SEC24B: variants seen among roughly 807,000 people sequenced by gnomAD.
The protein encoded by SEC24B is protein transport protein Sec24B.
SEC24B carries 45 observed loss-of-function variants against 142.8 expected under a neutral mutation model. The observed-to-expected ratio is 0.32, with a 90% CI of 0.25 to 0.40. SEC24B has a LOEUF of 0.40. Among genes scored for constraint, SEC24B ranks in the 10% least tolerant of loss-of-function variants. The pLI is 1.00. For missense variants in SEC24B, 1,409 were observed against 1,526.8 expected (o/e 0.92, Z 1.29); for synonymous variants, 574 against 568.2 (o/e 1.01, Z -0.15).
At chr4:109,493,503 C>T (rs546254466) in intron 5 of SEC24B, among the ~76,000 whole-genome samples, 3 of 152,184 alleles carry the variant, frequency 2.0e-5, no homozygotes, top group South Asian at 2.1e-4. Flanking sequence ...AAGTTTTCTG[C>T]AGTTTTTTTG....
intron 4 of SEC24B, among the ~76,000 whole-genome samples, chr4:109,488,291 C>G (rs1191020563): frequency 6.6e-6 from 1 of 152,140 alleles, no homozygotes; most frequent in East Asian, 1.9e-4. Context: ...CAACCACACG[C>G]AGCTCTAGGC....
At chr4:109,464,474 A>G (rs968090243) in intron 2 of SEC24B, among the ~76,000 whole-genome samples, 2 of 152,104 alleles carry the variant, frequency 1.3e-5, no homozygotes, top group Non-Finnish European at 2.9e-5. Context: ...GGGTTTTGCC[A>G]TGTTGCCCAA....
At chr4:109,462,841 G>C in intron 1 of SEC24B, 60 bp from the exon 2 acceptor site, 1 of 1,264,588 alleles carries the variant, frequency 7.9e-7, no homozygotes. Flanking sequence ...ATTTAAATGG[G>C]GGCTATTTTT....
chr4:109,455,903 T>A (rs1234928421), intron 1 of SEC24B, among the ~76,000 whole-genome samples: 1 of 152,200 alleles, frequency 6.6e-6, no homozygotes, highest in Non-Finnish European at 1.5e-5. Context: ...ATCCGCTTGT[T>A]GATATCTACA....
intron 4 of SEC24B, among the ~76,000 whole-genome samples, chr4:109,487,180 A>G (rs964163084): frequency 4.0e-5 from 6 of 151,816 alleles, no homozygotes; most frequent in Non-Finnish European, 7.4e-5. Flanking sequence ...AAAAAAAAAA[A>G]AAAAGAAAAG....
intron 2 of SEC24B, among the ~76,000 whole-genome samples, chr4:109,472,494 A>G (rs17040466): frequency 0.11 from 16,800 of 152,166 alleles, 3,073 homozygotes; most frequent in African/African-American, 0.38. Flanking sequence ...GAAACAGCAA[A>G]TGAGAAGTAG....
chr4:109,493,048 A>C (rs2126007086), intron 5 of SEC24B, among the ~76,000 whole-genome samples: 2 of 151,998 alleles, frequency 1.3e-5, no homozygotes, highest in Admixed American at 1.3e-4. Flanking sequence ...TCTTATGCTG[A>C]TAACTTGTCA....
chr4:109,535,713 G>A (rs538486303), intron 22 of SEC24B, among the ~76,000 whole-genome samples: 36 of 152,106 alleles, frequency 2.4e-4, no homozygotes, highest in African/African-American at 6.3e-4. Context: ...TTAGCTGGGC[G>A]TGGTGGCAGG....
At chr4:109,530,495 T>C (rs768276395) in intron 19 of SEC24B, 31 bp downstream of exon 19, 5 of 1,546,292 alleles carry the variant, frequency 3.2e-6, no homozygotes, top group East Asian at 2.3e-5. Flanking sequence ...ATATTTAATA[T>C]TGTTTTTTAA....
chr4:109,502,778 G>T (rs969982548), intron 6 of SEC24B, among the ~76,000 whole-genome samples: 1 of 152,294 alleles, frequency 6.6e-6, no homozygotes, highest in East Asian at 1.9e-4. Flanking sequence ...AAGCAAGAAT[G>T]TATTTAATTG....
intron 2 of SEC24B, 41 bp downstream of exon 2, chr4:109,463,685 C>T: frequency 1.9e-6 from 3 of 1,577,134 alleles, no homozygotes; most frequent in Non-Finnish European, 2.6e-6. Context: ...GTTTGAAAAT[C>T]AGTGCATTCC....
rs148302262 is a variant in SEC24B, at chr4:109,485,471, G to A, written c.1165+3690G>A. Among the ~76,000 whole-genome samples the A allele has an allele frequency of 2.9e-3, 446 of 152,248 alleles. 1 individual carries two copies. Among genetic ancestry groups the A allele is most frequent in the African/African-American group, 0.01 (421 of 41,530 alleles). ...TAGGTGGGAGTAAAGGGCACATGAC[G>A]GTAGTCACTACAGTGTTAAACGTAC... On this transcript the variant is annotated intron_variant, in intron 4 of 23. Coordinates refer to ENST00000265175, the MANE Select transcript of SEC24B (RefSeq NM_006323.5).
intron 2 of SEC24B, 136 bp from the exon 3 acceptor site, chr4:109,472,868 C>CTG (rs3839184): frequency 0.17 from 46,322 of 279,986 alleles, 4,239 homozygotes; most frequent in African/African-American, 0.27. Flanking sequence ...TTCAGATAAA[C>CTG]TATTTTGTTA....
At chr4:109,478,670 T>C (rs576765558) in intron 3 of SEC24B, among the ~76,000 whole-genome samples, 2 of 152,330 alleles carry the variant, frequency 1.3e-5, no homozygotes, top group South Asian at 4.1e-4. Flanking sequence ...ACGCTCCTTC[T>C]CTGTTCAGTA....
chr4:109,517,754 T>G (rs1304746033), intron 11 of SEC24B, among the ~76,000 whole-genome samples: 1 of 152,106 alleles, frequency 6.6e-6, no homozygotes, highest in African/African-American at 2.4e-5. Context: ...TTTAAAAAGA[T>G]AAAAGGATTT....
intron 1 of SEC24B, among the ~76,000 whole-genome samples, chr4:109,449,036 A>G (rs746578109): frequency 6.6e-6 from 1 of 151,658 alleles, no homozygotes; most frequent in Non-Finnish European, 1.5e-5. Flanking sequence ...TCTCATGATT[A>G]GATTGTGTGT....
At chr4:109,497,068 T>G (rs1735612574) in intron 6 of SEC24B, among the ~76,000 whole-genome samples, 1 of 152,278 alleles carries the variant, frequency 6.6e-6, no homozygotes, top group Non-Finnish European at 1.5e-5. Context: ...GCCCACTGCC[T>G]GTTTGTAAAT....
chr4:109,515,671 A>G (rs1243888752), intron 10 of SEC24B, among the ~76,000 whole-genome samples: 1 of 152,196 alleles, frequency 6.6e-6, no homozygotes, highest in African/African-American at 2.4e-5. Context: ...CGTACTCCAA[A>G]GAAAACAGTA....
chr4:109,525,393 T>A lies in SEC24B; in HGVS notation c.2680T>A (p.Phe894Ile), dbSNP rs201986741. Reference sequence around the variant, plus strand: ...AGGGTGCATCTATTATTATCCATCATTCCACTATACTCACAATCCTTCACA... The same window carrying A: ...AGGGTGCATCTATTATTATCCATCAATCCACTATACTCACAATCCTTCACA... ...SAGCIYYYPS[F>I]HYTHNPSQAE... Residue 894 changes from phenylalanine (F) to isoleucine (I), a missense_variant, in exon 16 of 24, where the codon TTC (phenylalanine) becomes ATC (isoleucine). Physicochemically the swap from Phe to Ile is conservative, Grantham distance 21. Around this residue, in one of 2 missense-constraint regions of SEC24B, gnomAD observed 700 missense variants for 853.3 expected, o/e 0.82. Coordinates refer to ENST00000265175, the MANE Select transcript of SEC24B (RefSeq NM_006323.5). The A allele has an allele frequency of 3.3e-5, 53 of 1,611,008 alleles. 1 individual carries two copies. The Admixed American group carries it at 7.2e-4, about 22-fold the overall frequency.
Sources: allele counts gnomAD v4.1 joint callset (sites outside exome capture counted in the v4.1 genomes callset), GRCh38; gene constraint gnomAD v4.1.1; regional missense constraint gnomAD v4.1.1; transcripts MANE v1.5; gene names NCBI Gene and HGNC (gene_info 2026-07-23, HGNC 2026-07-21).